ZZEF1: variants seen among roughly 807,000 people sequenced by gnomAD.
The protein encoded by ZZEF1 is zinc finger ZZ-type and EF-hand domain containing 1, also known as zinc finger ZZ-type and EF-hand domain-containing protein 1.
A neutral mutation model predicts 342.8 loss-of-function variants in ZZEF1; 157 were observed. The ratio of observed to expected loss-of-function variants is 0.46; its 90% CI spans 0.40 to 0.52. The LOEUF (loss-of-function observed/expected upper bound fraction) is 0.52, where lower values mean the gene tolerates loss of function less well. Ranked by LOEUF, ZZEF1 falls within the 20% of genes least tolerant of loss-of-function variation. ZZEF1 has a pLI of 0.00. For missense variants in ZZEF1, 3,480 were observed against 3,725.6 expected (o/e 0.93, Z 1.72); for synonymous variants, 1,505 against 1,429.1 (o/e 1.05, Z -1.20).
intron 31 of ZZEF1, among the ~76,000 whole-genome samples, chr17:4,058,948 C>T (rs2057227386): frequency 6.6e-6 from 1 of 152,072 alleles, no homozygotes; most frequent in African/African-American, 2.4e-5. Context: ...AACCCAGACT[C>T]ATCCCCTTAA....
chr17:4,124,881 CCT>C (rs947587852), intron 1 of ZZEF1, among the ~76,000 whole-genome samples: 9 of 152,156 alleles, frequency 5.9e-5, no homozygotes, highest in African/African-American at 2.2e-4. Context: ...ATCTGGGGAA[CCT>C]GGGACAGTAG....
intron 34 of ZZEF1, 34 bp from the exon 35 acceptor site, chr17:4,052,170 G>T: frequency 5.1e-6 from 8 of 1,573,228 alleles, no homozygotes; most frequent in Non-Finnish European, 6.0e-6. Flanking sequence ...AGGGGATGAG[G>T]TAGAGGGCTC....
intron 11 of ZZEF1, among the ~76,000 whole-genome samples, chr17:4,094,504 C>A (rs1182013332): frequency 6.6e-6 from 1 of 152,130 alleles, no homozygotes; most frequent in Non-Finnish European, 1.5e-5. Flanking sequence ...ACCTTCAGCA[C>A]AAACTTCTCT....
chr17:4,025,203 C>A, intron 42 of ZZEF1, 85 bp from the exon 43 acceptor site: 2 of 1,288,144 alleles, frequency 1.6e-6, no homozygotes, highest in East Asian at 2.4e-5. Context: ...AGTAACATGC[C>A]TTACTAAAGT....
intron 8 of ZZEF1, among the ~76,000 whole-genome samples, chr17:4,103,322 T>C (rs1385069990): frequency 1.3e-5 from 2 of 151,900 alleles, no homozygotes; most frequent in Non-Finnish European, 2.9e-5. Flanking sequence ...GTGGGAGTAC[T>C]GCTTGAGTCC....
At chr17:4,028,549 CAAA>C (rs35998175) in intron 42 of ZZEF1, among the ~76,000 whole-genome samples, 1 of 108,902 alleles carries the variant, frequency 9.2e-6, no homozygotes, top group African/African-American at 3.3e-5. Flanking sequence ...ACTCTGTCTC[CAAA>C]AAAAAAAAAA....
chr17:4,067,553 G>A (rs2057424843), intron 26 of ZZEF1, among the ~76,000 whole-genome samples: 2 of 152,044 alleles, frequency 1.3e-5, no homozygotes, highest in African/African-American at 2.4e-5. Flanking sequence ...TATTAACAGT[G>A]AGTAAAAAAG....
chr17:4,137,090 G>A lies in ZZEF1; in HGVS notation c.354+5452C>T, dbSNP rs548877228. Among the ~76,000 whole-genome samples the A allele has an allele frequency of 1.6e-3, 247 of 152,190 alleles. 1 individual carries two copies. The highest frequency in any genetic ancestry group is 5.6e-3 in the African/African-American group (234 of 41,488). ...GGAGACAAGGGTAGAAGGTATAAGA[G>A]TGTAAAGGCTGCTCCACCATTCAGA... is the stretch of plus-strand genomic sequence containing the variant. On this transcript the variant is annotated intron_variant, in intron 1 of 54. Coordinates refer to ENST00000381638, the MANE Select transcript of ZZEF1 (RefSeq NM_015113.4).
At chr17:4,026,510 ATCTTTTTTTTT>A (rs2056407421) in intron 42 of ZZEF1, among the ~76,000 whole-genome samples, 2 of 151,158 alleles carry the variant, frequency 1.3e-5, no homozygotes, top group South Asian at 2.1e-4. Flanking sequence ...ATAGACAAAC[ATCTTTTTTTTT>A]TCTTTTTTTT....
At chr17:4,116,091 G>A (rs1217627269) in intron 3 of ZZEF1, among the ~76,000 whole-genome samples, 1 of 152,198 alleles carries the variant, frequency 6.6e-6, no homozygotes, top group Non-Finnish European at 1.5e-5. Flanking sequence ...AAGCCAAGGT[G>A]GGTGGATCAT....
intron 54 of ZZEF1, among the ~76,000 whole-genome samples, chr17:4,007,353 G>T (rs1379466750): frequency 2.0e-5 from 3 of 152,244 alleles, no homozygotes; most frequent in Admixed American, 6.5e-5. Flanking sequence ...GGCCAGGAGG[G>T]CACTGAGATG....
chr17:4,074,480 T>A, intron 23 of ZZEF1, 129 bp from the exon 24 acceptor site: 3 of 954,814 alleles, frequency 3.1e-6, no homozygotes, highest in Non-Finnish European at 4.8e-6. Context: ...CCAAAATGAC[T>A]AACGGAGAAA....
At chr17:4,125,213 G>A (rs1353496823) in intron 1 of ZZEF1, among the ~76,000 whole-genome samples, 1 of 147,434 alleles carries the variant, frequency 6.8e-6, no homozygotes, top group African/African-American at 2.6e-5. Flanking sequence ...AATGCCTTCT[G>A]CCCTCCTGCT....
chr17:4,099,587 C>T (rs2145425968), intron 9 of ZZEF1, among the ~76,000 whole-genome samples: 1 of 151,118 alleles, frequency 6.6e-6, no homozygotes, highest in East Asian at 1.9e-4. Flanking sequence ...CTCTTGTCAC[C>T]CAGGTGGGAG....
intron 29 of ZZEF1, 130 bp from the exon 30 acceptor site, chr17:4,063,047 T>G (rs550556075): frequency 3.3e-6 from 3 of 899,040 alleles, no homozygotes; most frequent in Non-Finnish European, 4.8e-6. Flanking sequence ...AGAAACACCA[T>G]GTAGGAGAAG....
rs2057887376 is a variant in ZZEF1, at chr17:4,088,703, A to C, written c.2216T>G (p.Phe739Cys). The C allele has an allele frequency of 6.2e-7, 1 of 1,613,972 alleles. No homozygotes were observed. Among genetic ancestry groups the C allele is most frequent in the African/African-American group, 1.3e-5 (1 of 74,938 alleles). Residue 739 changes from phenylalanine (F) to cysteine (C), a missense_variant, in exon 13 of 55, where the codon TTT (phenylalanine) becomes TGT (cysteine). Phe to Cys is a radical substitution (Grantham distance 205). Around this residue, in one of 5 missense-constraint regions of ZZEF1, gnomAD observed 1,528 missense variants for 1,624.1 expected, o/e 0.94. Coordinates refer to ENST00000381638, the MANE Select transcript of ZZEF1 (RefSeq NM_015113.4). ...GATLLLRTLQ[F>C]IQQLAHDLVQ... Reference sequence around the variant, plus strand: ...CAGGTCATGGGCGAGCTGCTGGATAAACTGAAGGGTCCTGAGGAGCAACGT... The same window carrying C: ...CAGGTCATGGGCGAGCTGCTGGATACACTGAAGGGTCCTGAGGAGCAACGT...
rs905459592 is a variant in ZZEF1 at position 4,052,162 on chromosome 17, G to A, written c.5435-26C>T. The A allele has an allele frequency of 2.5e-6, 4 of 1,591,920 alleles. No homozygotes were observed. In the African/African-American group the frequency reaches 5.4e-5, roughly 21 times the overall value. On this transcript the variant is annotated intron_variant, in intron 34 of 54. Coordinates refer to ENST00000381638, the MANE Select transcript of ZZEF1 (RefSeq NM_015113.4). ...CTGAGGAGAAACACAGCAGTGTGAG[G>A]GGATGAGGTAGAGGGCTCCTAGATG...
intron 37 of ZZEF1, among the ~76,000 whole-genome samples, chr17:4,047,680 C>T (rs567914991): frequency 2.0e-4 from 29 of 146,844 alleles, no homozygotes; most frequent in East Asian, 8.2e-4. Flanking sequence ...CAGTGGCTCA[C>T]GCCTGTAATC....
intron 11 of ZZEF1, among the ~76,000 whole-genome samples, chr17:4,094,314 A>C (rs925995382): frequency 2.6e-5 from 4 of 150,992 alleles, no homozygotes; most frequent in Admixed American, 2.6e-4. Flanking sequence ...GCTAATTTTT[A>C]TGTTTTTCTT....
Sources: allele counts gnomAD v4.1 joint callset (sites outside exome capture counted in the v4.1 genomes callset), GRCh38; gene constraint gnomAD v4.1.1; regional missense constraint gnomAD v4.1.1; transcripts MANE v1.5; gene names NCBI Gene and HGNC (gene_info 2026-07-23, HGNC 2026-07-21).